Variants in PLSCR2 observed in about 807,000 individuals in gnomAD.
PLSCR2 encodes PL scramblase 2.
In PLSCR2, 18 loss-of-function variants were observed where a neutral mutation model predicts 25.3. That is an observed-to-expected ratio of 0.71 (90% CI 0.49 to 1.06). PLSCR2 has a LOEUF of 1.06. Among genes scored for constraint, PLSCR2 ranks in the 50% least tolerant of loss-of-function variants. The pLI is 0.00. For missense variants in PLSCR2, 243 were observed against 269.5 expected, an observed-to-expected ratio of 0.90 and a Z score of 0.69; for synonymous variants, 88 against 87.3, an observed-to-expected ratio of 1.01 and a Z score of -0.04.
chr3:146,404,827 G>GT (rs2038604725), intron 2 of PLSCR2, among the ~76,000 whole-genome samples: 1 of 150,482 alleles, frequency 6.6e-6, no homozygotes, highest in Non-Finnish European at 1.5e-5. Flanking sequence ...AAAAAGGGGG[G>GT]GGGTGGTGGT....
intron 2 of PLSCR2, among the ~76,000 whole-genome samples, chr3:146,422,729 T>A (rs913796512): frequency 1.3e-5 from 2 of 152,144 alleles, no homozygotes; most frequent in African/African-American, 2.4e-5. Flanking sequence ...TTATTTATTC[T>A]CTTTGTTCAT....
intron 2 of PLSCR2, among the ~76,000 whole-genome samples, chr3:146,427,229 T>C (rs952828938): frequency 3.3e-5 from 5 of 152,192 alleles, no homozygotes; most frequent in African/African-American, 4.8e-5. Flanking sequence ...AGTTTTAGCA[T>C]GTTCAAAAAG....
chr3:146,418,715 G>A (rs1022999923), intron 2 of PLSCR2, among the ~76,000 whole-genome samples: 3 of 152,078 alleles, frequency 2.0e-5, no homozygotes, highest in Non-Finnish European at 4.4e-5. Flanking sequence ...TTTTCTTAAG[G>A]GGAAGCATGT....
chr3:146,467,059 T>G (rs1326068701), intron 1 of PLSCR2, among the ~76,000 whole-genome samples: 2 of 152,204 alleles, frequency 1.3e-5, no homozygotes, highest in Middle Eastern at 3.2e-3. Context: ...TTAACTAAAG[T>G]GCTTTGGCTT....
intron 1 of PLSCR2, chr3:146,469,293 T>C: frequency 1.0e-6 from 1 of 985,662 alleles, no homozygotes; most frequent in Non-Finnish European, 1.2e-6. Context: ...ATTCGAACGG[T>C]TCTGGTGTGA....
upstream of PLSCR2, among the ~76,000 whole-genome samples, chr3:146,462,538 T>A (rs2041653972): frequency 6.6e-6 from 1 of 151,484 alleles, no homozygotes; most frequent in Non-Finnish European, 1.5e-5. Flanking sequence ...TGATCTTGGC[T>A]CCCTGCAACC....
chr3:146,483,428 A>AATACCAGTAGTAACATTATATAT (rs2043202118), intron 1 of PLSCR2, among the ~76,000 whole-genome samples: 5 of 103,706 alleles, frequency 4.8e-5, no homozygotes, highest in African/African-American at 1.9e-4. Context: ...ACTTAAACTT[A>AATACCAGTAGTAACATTATATAT]ATATATATAT....
At chr3:146,437,693 A>G (rs2039965050), downstream of PLSCR2, among the ~76,000 whole-genome samples, 1 of 151,948 alleles carries the variant, frequency 6.6e-6, no homozygotes, top group Non-Finnish European at 1.5e-5. Flanking sequence ...GTAGTCATCT[A>G]TCAATTTTGT....
chr3:146,431,730 A>T (rs2039552444), downstream of PLSCR2, among the ~76,000 whole-genome samples: 1 of 152,208 alleles, frequency 6.6e-6, no homozygotes, highest in African/African-American at 2.4e-5. Flanking sequence ...AGTTATCACT[A>T]AAAGAATACG....
At chr3:146,475,986 G>A (rs1407946997) in intron 1 of PLSCR2, among the ~76,000 whole-genome samples, 1 of 151,772 alleles carries the variant, frequency 6.6e-6, no homozygotes, top group Non-Finnish European at 1.5e-5. Flanking sequence ...AGAGATTTTG[G>A]TCAGCTTCTT....
chr3:146,432,108 G>A (rs549999725), downstream of PLSCR2, among the ~76,000 whole-genome samples: 2 of 152,210 alleles, frequency 1.3e-5, no homozygotes, highest in African/African-American at 2.4e-5. Context: ...TTGAAACTGT[G>A]TATATCATGG....
intron 8 of PLSCR2, among the ~76,000 whole-genome samples, chr3:146,435,593 T>G (rs1369278109): frequency 6.6e-6 from 1 of 152,250 alleles, no homozygotes; most frequent in African/African-American, 2.4e-5. Context: ...TCTGTTCATA[T>G]CCTTCGCCCA....
chr3:146,446,429 T>C (rs1240991624), intron 6 of PLSCR2, among the ~76,000 whole-genome samples: 1 of 152,204 alleles, frequency 6.6e-6, no homozygotes, highest in Non-Finnish European at 1.5e-5. Context: ...TGGTAATCCC[T>C]TGGCAGTCTT....
chr3:146,482,032 AG>A (rs970237417), intron 1 of PLSCR2, among the ~76,000 whole-genome samples: 2 of 152,252 alleles, frequency 1.3e-5, no homozygotes, highest in African/African-American at 4.8e-5. Flanking sequence ...ATATGTAGAA[AG>A]CAGAAGCTGG....
chr3:146,491,729 C>A (rs1450545024), intron 1 of PLSCR2, among the ~76,000 whole-genome samples: 1 of 152,054 alleles, frequency 6.6e-6, no homozygotes, highest in African/African-American at 2.4e-5. Flanking sequence ...AATGACTATG[C>A]CACTTTTCAA....
chr3:146,477,384 T>C (rs2042326032), intron 1 of PLSCR2, among the ~76,000 whole-genome samples: 1 of 152,208 alleles, frequency 6.6e-6, no homozygotes, highest in South Asian at 2.1e-4. Context: ...GTGGCCCAAA[T>C]ACTGCACTTT....
At chr3:146,418,884 A>G (rs1302277527) in intron 2 of PLSCR2, among the ~76,000 whole-genome samples, 1 of 152,122 alleles carries the variant, frequency 6.6e-6, no homozygotes, top group Non-Finnish European at 1.5e-5. Flanking sequence ...TCACACACCT[A>G]AACTCTTCAA....
At chr3:146,406,705 G>T (rs1396153277) in intron 2 of PLSCR2, among the ~76,000 whole-genome samples, 1 of 152,206 alleles carries the variant, frequency 6.6e-6, no homozygotes, top group African/African-American at 2.4e-5. Flanking sequence ...TTTGATGCAG[G>T]AGTGATGAAT....
intron 2 of PLSCR2, among the ~76,000 whole-genome samples, chr3:146,410,806 A>G (rs6801964): frequency 0.58 from 87,874 of 152,110 alleles, 25,790 homozygotes; most frequent in South Asian, 0.76. Context: ...GACAAGGGGA[A>G]GGGGTCCCAT....
Sources: allele counts gnomAD v4.1 joint callset (sites outside exome capture counted in the v4.1 genomes callset), GRCh38; gene constraint gnomAD v4.1.1; transcripts MANE v1.5; gene names NCBI Gene and HGNC (gene_info 2026-07-23, HGNC 2026-07-21).